ACYP2: variants seen among roughly 807,000 people sequenced by gnomAD.
ACYP2 encodes acylphosphatase-2.
ACYP2 carries 12 observed loss-of-function variants against 11.2 expected under a neutral mutation model. That is an observed-to-expected ratio of 1.08 (90% CI 0.69 to 1.74). ACYP2 has a LOEUF of 1.74. Among genes scored for constraint, ACYP2 ranks in the 40% most tolerant of loss-of-function variants. ACYP2 has a pLI of 0.00. For missense variants in ACYP2, 134 were observed against 101.9 expected (o/e 1.31, Z -1.35); for synonymous variants, 43 against 32.2 (o/e 1.33, Z -1.13).
At chr2:53,986,164 A>G (rs1672026194) in intron 2 of ACYP2, among the ~76,000 whole-genome samples, 1 of 151,792 alleles carries the variant, frequency 6.6e-6, no homozygotes, top group Non-Finnish European at 1.5e-5. Context: ...TAAATAAAAT[A>G]AAATAGCCTG....
At chr2:54,113,353 C>A (rs1003399366) in intron 4 of ACYP2, among the ~76,000 whole-genome samples, 7 of 151,878 alleles carry the variant, frequency 4.6e-5, no homozygotes, top group Admixed American at 4.6e-4. Context: ...GATCCTACTC[C>A]CACCTCAGCC....
At chr2:54,235,704 A>C (rs1686447273) in intron 6 of ACYP2, among the ~76,000 whole-genome samples, 1 of 152,156 alleles carries the variant, frequency 6.6e-6, no homozygotes, top group South Asian at 2.1e-4. Context: ...TTTTAAAATA[A>C]ATAAGGGGTT....
intron 4 of ACYP2, among the ~76,000 whole-genome samples, chr2:54,098,705 C>G (rs548458851): frequency 1.3e-5 from 2 of 150,426 alleles, no homozygotes; most frequent in Non-Finnish European, 3.0e-5. Flanking sequence ...TGCTGGTCCT[C>G]TCTGATTTCA....
At chr2:54,031,000 C>G (rs1674554269) in intron 2 of ACYP2, among the ~76,000 whole-genome samples, 1 of 152,138 alleles carries the variant, frequency 6.6e-6, no homozygotes, top group Admixed American at 6.6e-5. Context: ...AACTCATCCT[C>G]TAGGAGGAGG....
At chr2:54,201,501 ATTCTGTAGGCTGTTTT>A (rs745342535) in intron 6 of ACYP2, among the ~76,000 whole-genome samples, 2 of 151,968 alleles carry the variant, frequency 1.3e-5, no homozygotes, top group Non-Finnish European at 2.9e-5. Flanking sequence ...ATTTTCTCCC[ATTCTGTAGGCTGTTTT>A]TTCACTTTCT....
At chr2:54,259,501 G>C (rs528489586) in intron 6 of ACYP2, among the ~76,000 whole-genome samples, 4 of 152,212 alleles carry the variant, frequency 2.6e-5, no homozygotes, top group African/African-American at 9.6e-5. Flanking sequence ...AACCAAGAGA[G>C]TGCAATGTGC....
chr2:54,128,239 A>G (rs1572819627), intron 4 of ACYP2, among the ~76,000 whole-genome samples: 1 of 152,350 alleles, frequency 6.6e-6, no homozygotes, highest in East Asian at 1.9e-4. Flanking sequence ...GGTTTAATAA[A>G]TAGAAGTCTA....
chr2:54,034,218 C>CCCAT (rs1674747479), intron 2 of ACYP2, among the ~76,000 whole-genome samples: 1 of 152,136 alleles, frequency 6.6e-6, no homozygotes, highest in Middle Eastern at 3.4e-3. Flanking sequence ...ATTAGCCAGG[C>CCCAT]ATGGTGGTGG....
intron 6 of ACYP2, among the ~76,000 whole-genome samples, chr2:54,143,497 G>T (rs561264254): frequency 6.6e-6 from 1 of 151,866 alleles, no homozygotes; most frequent in East Asian, 1.9e-4. Flanking sequence ...GCAATGGTAC[G>T]ATCTTGGCTT....
chr2:54,241,244 CTATT>C lies in ACYP2; in HGVS notation c.405-63440_405-63437del, dbSNP rs1447081859. On this transcript the variant is annotated intron_variant, in intron 6 of 6. Coordinates refer to ENST00000607452, the MANE Select transcript of ACYP2 (RefSeq NM_001320586.2). ...TCTAATTTAGGGATATCATGGGAAA[CTATT>C]TATAATATATGCCAGCTGACCCTTA... Among the ~76,000 whole-genome samples the C allele has an allele frequency of 2.0e-5, 3 of 152,282 alleles. 1 individual carries two copies. The highest frequency in any genetic ancestry group is 7.2e-5 in the African/African-American group (3 of 41,564).
intron 6 of ACYP2, among the ~76,000 whole-genome samples, chr2:54,211,993 A>G (rs1300722744): frequency 2.6e-5 from 4 of 152,158 alleles, no homozygotes; most frequent in Admixed American, 6.5e-5. Flanking sequence ...TGTAAGCTCC[A>G]CTCACTGCCT....
intron 4 of ACYP2, among the ~76,000 whole-genome samples, chr2:54,064,617 G>A (rs1055850184): frequency 8.5e-5 from 13 of 152,220 alleles, no homozygotes; most frequent in South Asian, 8.3e-4. Context: ...GTTGTACACC[G>A]TGGTAACTAA....
chr2:54,241,496 C>T (rs1041978705), intron 6 of ACYP2, among the ~76,000 whole-genome samples: 4 of 152,062 alleles, frequency 2.6e-5, no homozygotes, highest in Non-Finnish European at 5.9e-5. Flanking sequence ...ATTAAGACCT[C>T]TGATATTGTT....
At chr2:54,053,150 G>C (rs1268429744) in intron 3 of ACYP2, among the ~76,000 whole-genome samples, 1 of 152,194 alleles carries the variant, frequency 6.6e-6, no homozygotes, top group Non-Finnish European at 1.5e-5. Context: ...GTGCCTACAG[G>C]GCATTGCTTT....
At chr2:54,119,775 T>G (rs1057239824) in intron 4 of ACYP2, among the ~76,000 whole-genome samples, 1 of 152,238 alleles carries the variant, frequency 6.6e-6, no homozygotes, top group African/African-American at 2.4e-5. Context: ...CCTTACTTTT[T>G]TCAAGGTTTC....
At chr2:54,094,532 T>C (rs1678411083) in intron 4 of ACYP2, among the ~76,000 whole-genome samples, 1 of 112,922 alleles carries the variant, frequency 8.9e-6, no homozygotes, top group Non-Finnish European at 1.9e-5. Context: ...CCCGGCCCAG[T>C]TGTGTGTGTG....
chr2:54,202,727 TTTTTTTTTTTTTTTTTTTTTG>T, intron 6 of ACYP2, among the ~76,000 whole-genome samples: 1 of 117,396 alleles, frequency 8.5e-6, no homozygotes, highest in Non-Finnish European at 1.7e-5. Flanking sequence ...TTTTTTTTTT[TTTTTTTTTTTTTTTTTTTTTG>T]AGATGAGTCT....
chr2:54,129,957 G>A (rs1446302693), intron 4 of ACYP2, among the ~76,000 whole-genome samples: 5 of 149,608 alleles, frequency 3.3e-5, no homozygotes, highest in Non-Finnish European at 7.4e-5. Flanking sequence ...AATTATTATA[G>A]GATAGTTAAA....
intron 6 of ACYP2, among the ~76,000 whole-genome samples, chr2:54,245,366 G>T (rs1249721666): frequency 1.3e-5 from 2 of 152,130 alleles, no homozygotes; most frequent in Non-Finnish European, 2.9e-5. Flanking sequence ...CCTCTTCAAT[G>T]TACTGATTTC....
Sources: gnomAD v4.1 joint callset for allele counts (sites outside exome capture counted in the v4.1 genomes callset) on GRCh38, gnomAD v4.1.1 for gene constraint, MANE v1.5 for transcripts, NCBI Gene and HGNC (gene_info 2026-07-23, HGNC 2026-07-21) for gene names.